The following RBP3 variants were observed in gnomAD, a reference collection of about 807,000 sequenced individuals.
RBP3 encodes retinol-binding protein 3.
A neutral mutation model predicts 64.8 loss-of-function variants in RBP3; 50 were observed. The ratio of observed to expected loss-of-function variants is 0.77; its 90% CI spans 0.61 to 0.98. The LOEUF is 0.98. RBP3 is among the 50% of genes least tolerant of loss of function. The pLI, the probability that RBP3 is intolerant of heterozygous loss-of-function variation, is 0.00. For synonymous variants in RBP3, 828 were observed against 730.2 expected, an observed-to-expected ratio of 1.13 and a Z score of -2.16; for missense variants, 1,712 against 1,660.5, an observed-to-expected ratio of 1.03 and a Z score of -0.54.
At chr10:47,354,324 C>T (rs1466050450) in intron 2 of RBP3, among the ~76,000 whole-genome samples, 1 of 152,196 alleles carries the variant, frequency 6.6e-6, no homozygotes, top group Non-Finnish European at 1.5e-5. Context: ...CCCTTCCATG[C>T]TCCCGTGTTG....
At chr10:47,352,645 C>T (rs1303743281) in intron 1 of RBP3, among the ~76,000 whole-genome samples, 1 of 152,240 alleles carries the variant, frequency 6.6e-6, no homozygotes, top group Non-Finnish European at 1.5e-5. Flanking sequence ...CCAAGACCTG[C>T]CTCCCTCCAG....
At chr10:47,352,422 G>C (rs1555211683) in intron 1 of RBP3, among the ~76,000 whole-genome samples, 1 of 152,248 alleles carries the variant, frequency 6.6e-6, no homozygotes, top group Non-Finnish European at 1.5e-5. Context: ...TGCTATAGGA[G>C]AGCCTGTCAG....
At position 47,349,192 on chromosome 10, in the gene RBP3, G is replaced by A. The variant is rs781834322; in HGVS notation, c.708G>A (p.Arg236=). Residue 236 remains arginine (R), a synonymous_variant, in exon 1 of 4, where the codon AGG becomes AGA. Coordinates refer to ENST00000584701, the MANE Select transcript of RBP3 (RefSeq NM_002900.3). ...DVVVLTSSQT[R]GVAEDIAHIL... is the part of the protein sequence containing the mutation. ...TGGTCCTCACCAGCAGCCAGACCAG[G>A]GGCGTGGCCGAGGACATCGCGCACA... 2.5e-6 allele frequency: 4 copies of A among 1,613,698 alleles called. No individual in the cohort carries two copies. In the Admixed American group the frequency reaches 6.7e-5, roughly 27 times the overall value.
Position 47,349,239 on chromosome 10 carries a change from C to A in RBP3, c.755C>A (p.Ala252Asp), listed in dbSNP as rs782700564. The A allele has an allele frequency of 1.9e-6, 3 of 1,613,356 alleles. 1 individual carries two copies. The highest frequency in any genetic ancestry group is 1.1e-5 in the South Asian group (1 of 91,076). ...CACATCCTTAAGCAGATGCGCAGGG[C>A]CATCGTGGTGGGCGAGCGGACTGGG... Reference protein sequence around the residue: ...IAHILKQMRRAIVVGERTGGG... With the variant: ...IAHILKQMRRDIVVGERTGGG... The change falls in exon 1 of 4, where the codon GCC becomes GAC. Residue 252 changes from alanine (A) to aspartate (D), a missense_variant. Physicochemically the swap from Ala to Asp is moderately radical, Grantham distance 126. Transcript: ENST00000584701.
intron 1 of RBP3, among the ~76,000 whole-genome samples, chr10:47,352,039 A>G (rs1356470217): frequency 1.3e-5 from 2 of 152,158 alleles, no homozygotes; most frequent in Non-Finnish European, 2.9e-5. Context: ...ACACCTCCAC[A>G]CTGTTCTACC....
Position 47,350,217 on chromosome 10 carries a change from C to A in RBP3, c.1733C>A (p.Thr578Lys), listed in dbSNP as rs782234227. 1.3e-4 allele frequency: 206 copies of A among 1,608,944 alleles called. 2 individuals carry two copies. The South Asian group carries it at 1.4e-3, about 11-fold the overall frequency. ...GCGGGCAACCTGCTGCACACCCGCACGGTGCCGCTGCTGGACACACCCGAA... is the reference window on the plus strand; with the variant it reads ...GCGGGCAACCTGCTGCACACCCGCAAGGTGCCGCTGCTGGACACACCCGAA... ...ITAGNLLHTR[T>K]VPLLDTPEGS... The change falls in exon 1 of 4, where the codon ACG becomes AAG. Residue 578 changes from threonine (T) to lysine (K), a missense_variant. Coordinates refer to ENST00000584701, the MANE Select transcript of RBP3 (RefSeq NM_002900.3).
chr10:47,355,328 C>CT, intron 2 of RBP3, 48 bp from the exon 3 acceptor site: 1 of 1,611,806 alleles, frequency 6.2e-7, no homozygotes, highest in Non-Finnish European at 8.5e-7. Flanking sequence ...CACACAGGGC[C>CT]TCACTGTGAG....
chr10:47,356,142 A>G (rs549484999), intron 3 of RBP3, among the ~76,000 whole-genome samples: 39 of 152,270 alleles, frequency 2.6e-4, no homozygotes, highest in Admixed American at 2.3e-3. Flanking sequence ...ACCCAACAAG[A>G]AAGGACTGGA....
In RBP3 at chr10:47,349,154, G is replaced by A. The variant is rs1432897923; in HGVS notation, c.670G>A (p.Asp224Asn). Residue 224 changes from aspartate (D) to asparagine (N), a missense_variant, in exon 1 of 4, where the codon GAC becomes AAC. By Grantham distance (23) the Asp-to-Asn change is conservative. Coordinates refer to ENST00000584701, the MANE Select transcript of RBP3 (RefSeq NM_002900.3). ...GGTCCTGGGAGAAAGGTACGGTGCCGACAAGGATGTGGTGGTCCTCACCAG... is the reference window on the plus strand; with the variant it reads ...GGTCCTGGGAGAAAGGTACGGTGCCAACAAGGATGTGGTGGTCCTCACCAG... The part of the protein sequence containing the change: ...PQVLGERYGA[D>N]KDVVVLTSSQ... 1.2e-6 allele frequency: 2 copies of A among 1,613,770 alleles called. No individual in the cohort carries two copies. The highest frequency in any genetic ancestry group is 3.3e-5 in the Admixed American group (2 of 60,008).
Position 47,351,010 on chromosome 10 carries a change from C to A in RBP3, c.2526C>A (p.Ile842=). ...QRYGSHKDLY[I]LMSHTSGSAA... is the part of the protein sequence containing the mutation. ...ACGGCTCACACAAGGACCTCTACAT[C>A]CTGATGAGCCACACCAGTGGCTCTG... Residue 842 remains isoleucine, a synonymous_variant, in exon 1 of 4, where the codon ATC becomes ATA. Coordinates refer to ENST00000584701, the MANE Select transcript of RBP3 (RefSeq NM_002900.3). 6.2e-7 allele frequency: 1 copy of A among 1,611,002 alleles called. No homozygotes were observed. The highest frequency in any genetic ancestry group is 2.2e-5 in the East Asian group (1 of 44,882).
rs201766131 is a variant in RBP3, at chr10:47,350,597, C to T, written c.2113C>T (p.Pro705Ser). ...GDHRLLVFHS[P>S]GELVVEEAPP... The stretch of plus-strand genomic sequence containing the variant: ...CCACCGCTTGCTAGTGTTCCACAGC[C>T]CTGGCGAGCTGGTGGTAGAGGAAGC... Residue 705 changes from proline (P) to serine (S), a missense_variant, in exon 1 of 4, where the codon CCT (proline) becomes TCT (serine). Physicochemically the swap from Pro to Ser is moderately conservative, Grantham distance 74. Transcript: ENST00000584701. The T allele has an allele frequency of 1.6e-5, 26 of 1,612,974 alleles. No individual in the cohort carries two copies. The highest frequency in any genetic ancestry group is 1.9e-5 in the Non-Finnish European group (22 of 1,180,026).
rs1565764732 is a variant in RBP3, at chr10:47,349,479, G to A, written c.995G>A (p.Cys332Tyr). 5 of 1,612,884 alleles carry A rather than the reference G, an allele frequency of 3.1e-6. No individual in the cohort carries two copies. The highest frequency in any genetic ancestry group is 1.1e-5 in the South Asian group (1 of 91,086). The change falls in exon 1 of 4, where the codon TGC (cysteine) becomes TAC (tyrosine). Residue 332 changes from cysteine to tyrosine, a missense_variant. By Grantham distance (194) the Cys-to-Tyr change is radical. Coordinates refer to ENST00000584701, the MANE Select transcript of RBP3 (RefSeq NM_002900.3). ...AGCGCCCTTCCAGGGGTAGTCCACT[G>A]CCTCCAGGAGGTCCTGAAGGACTAC... ...LRSALPGVVH[C>Y]LQEVLKDYYT...
intron 1 of RBP3, among the ~76,000 whole-genome samples, chr10:47,352,770 A>G (rs1829807437): frequency 1.3e-5 from 2 of 152,306 alleles, no homozygotes; most frequent in African/African-American, 4.8e-5. Flanking sequence ...GCCAAGGTTC[A>G]CGATTTGGAG....
rs782670311 is a variant in RBP3, at chr10:47,351,458, C to T, written c.2974C>T (p.Leu992Phe). 1.3e-5 allele frequency: 21 copies of T among 1,613,724 alleles called. No individual in the cohort carries two copies. The highest frequency in any genetic ancestry group is 1.6e-4 in the Middle Eastern group (1 of 6,084). ...GATCCTGGGGGCTGACCTGCAGATGCTCTCCGGAGACCCACACCTGAAGGC... is the reference window on the plus strand; with the variant it reads ...GATCCTGGGGGCTGACCTGCAGATGTTCTCCGGAGACCCACACCTGAAGGC... ...AEILGADLQM[L>F]SGDPHLKAAH... The change falls in exon 1 of 4, where the codon CTC becomes TTC. Residue 992 changes from leucine to phenylalanine, a missense_variant. By Grantham distance (22) the Leu-to-Phe change is conservative. Transcript: ENST00000584701.
At position 47,349,462 on chromosome 10, in the gene RBP3, T is replaced by G. The variant is rs1836915180; in HGVS notation, c.978T>G (p.Leu326=). 1 of 1,612,666 alleles carries G rather than the reference T, an allele frequency of 6.2e-7. No individual in the cohort carries two copies. Among genetic ancestry groups the G allele is most frequent in the Non-Finnish European group, 8.5e-7 (1 of 1,180,000 alleles). ...ALAILTLRSA[L]PGVVHCLQEV... ...CCATCCTCACTCTGCGCAGCGCCCT[T>G]CCAGGGGTAGTCCACTGCCTCCAGG... The change falls in exon 1 of 4, where the codon CTT becomes CTG. Residue 326 remains leucine, a synonymous_variant. Transcript: ENST00000584701.
At position 47,348,499 on chromosome 10, in the gene RBP3, G is replaced by C. The variant is rs781980837; in HGVS notation, c.15G>C (p.Trp5Cys). MMRE[W>C]VLLMSVLLCG... ...CCTGGGTCCCCATGATGAGAGAATGGGTTCTGCTCATGTCCGTGCTGCTCT... is the reference window on the plus strand; with the variant it reads ...CCTGGGTCCCCATGATGAGAGAATGCGTTCTGCTCATGTCCGTGCTGCTCT... The change falls in exon 1 of 4, where the codon TGG becomes TGC. Residue 5 changes from tryptophan (W) to cysteine (C), a missense_variant. Physicochemically the swap from Trp to Cys is radical, Grantham distance 215. Coordinates refer to ENST00000584701, the MANE Select transcript of RBP3 (RefSeq NM_002900.3). 4 of 1,604,270 alleles carry C rather than the reference G, an allele frequency of 2.5e-6. No homozygotes were observed. In the South Asian group the frequency reaches 3.3e-5, roughly 13 times the overall value.
At chr10:47,354,746 G>A (rs1244831134) in intron 2 of RBP3, among the ~76,000 whole-genome samples, 1 of 152,176 alleles carries the variant, frequency 6.6e-6, no homozygotes, top group African/African-American at 2.4e-5. Flanking sequence ...ACCCAGCCAG[G>A]CCATCCCAGG....
rs782086376 is a variant in RBP3 at position 47,353,364 on chromosome 10, T to C, written c.3094T>C (p.Ser1032Pro). The C allele has an allele frequency of 6.2e-7, 1 of 1,614,110 alleles. No individual in the cohort carries two copies. Among genetic ancestry groups the C allele is most frequent in the South Asian group, 1.1e-5 (1 of 91,084 alleles). The change falls in exon 2 of 4, where the codon TCC becomes CCC. Residue 1032 changes from serine to proline, a missense_variant. By Grantham distance (74) the Ser-to-Pro change is moderately conservative (BLOSUM62 -1). Transcript: ENST00000584701. The stretch of plus-strand genomic sequence containing the variant: ...AGTATTTGAAGAGCTGATCAAGTTT[T>C]CCTTCCACACTAACGTGCTTGAGGA... ...PEVFEELIKF[S>P]FHTNVLEDNI...
At chr10:47,355,784 A>G (rs1461836218) in intron 3 of RBP3, among the ~76,000 whole-genome samples, 1 of 152,202 alleles carries the variant, frequency 6.6e-6, no homozygotes, top group Non-Finnish European at 1.5e-5. Flanking sequence ...AAATGTGAAT[A>G]TTAGTTTGTC....
Sources: gnomAD v4.1 joint callset for allele counts (sites outside exome capture counted in the v4.1 genomes callset) on GRCh38, gnomAD v4.1.1 for gene constraint, MANE v1.5 for transcripts, NCBI Gene and HGNC (gene_info 2026-07-23, HGNC 2026-07-21) for gene names.